Variants in ZNF423 observed in about 807,000 individuals in gnomAD.
The protein encoded by ZNF423 is Ebf-associated zinc finger protein.
ZNF423 carries 12 observed loss-of-function variants against 95.8 expected under a neutral mutation model. That is an observed-to-expected ratio of 0.13 (90% CI 0.08 to 0.20). The LOEUF (loss-of-function observed/expected upper bound fraction) is 0.20, where lower values mean the gene tolerates loss of function less well. Among genes scored for constraint, ZNF423 ranks in the 10% least tolerant of loss-of-function variants. ZNF423 has a pLI of 1.00. For synonymous variants in ZNF423, 749 were observed against 711.9 expected, an observed-to-expected ratio of 1.05 and a Z score of -0.83; for missense variants, 1,316 against 1,737.1, an observed-to-expected ratio of 0.76 and a Z score of 4.31.
chr16:49,525,093 G>A (rs959442233), intron 6 of ZNF423, among the ~76,000 whole-genome samples: 4 of 152,226 alleles, frequency 2.6e-5, no homozygotes, highest in Non-Finnish European at 4.4e-5. Flanking sequence ...AGGGCTTCTA[G>A]CTCCTGTGTG....
intron 7 of ZNF423, among the ~76,000 whole-genome samples, chr16:49,496,481 A>G (rs1197392696): frequency 6.6e-6 from 1 of 152,090 alleles, no homozygotes; most frequent in African/African-American, 2.4e-5. Flanking sequence ...TCCCCATGTG[A>G]CGGACTAGCT....
At chr16:49,826,070 G>A (rs1205900582) in intron 1 of ZNF423, among the ~76,000 whole-genome samples, 1 of 152,184 alleles carries the variant, frequency 6.6e-6, no homozygotes, top group Non-Finnish European at 1.5e-5. Context: ...AAATTAGCCA[G>A]GTGTGGTGGC....
At chr16:49,728,482 C>A (rs77988280) in intron 3 of ZNF423, among the ~76,000 whole-genome samples, 3,099 of 152,244 alleles carry the variant, frequency 0.02, 49 homozygotes, top group Non-Finnish European at 0.035. Flanking sequence ...TGTTAGGAAG[C>A]GGGCAGGAGT....
intron 5 of ZNF423, among the ~76,000 whole-genome samples, chr16:49,562,477 G>T (rs1970050723): frequency 6.6e-6 from 1 of 152,196 alleles, no homozygotes; most frequent in African/African-American, 2.4e-5. Context: ...GCTGTTAACT[G>T]TTCTTGGGAG....
At chr16:49,494,901 A>G (rs921495297) in intron 7 of ZNF423, among the ~76,000 whole-genome samples, 7 of 152,250 alleles carry the variant, frequency 4.6e-5, no homozygotes, top group African/African-American at 1.7e-4. Flanking sequence ...TCCATCCAGC[A>G]TAGTTCTCAC....
intron 3 of ZNF423, among the ~76,000 whole-genome samples, chr16:49,728,010 A>G (rs1505112): frequency 0.38 from 58,515 of 152,006 alleles, 11,549 homozygotes; most frequent in African/African-American, 0.47. Context: ...CCCAGGTATA[A>G]AACAGACTTT....
intron 1 of ZNF423, among the ~76,000 whole-genome samples, chr16:49,825,921 A>T (rs1392094893): frequency 1.3e-5 from 2 of 152,232 alleles, no homozygotes; most frequent in Non-Finnish European, 2.9e-5. Context: ...TGCTTATTGA[A>T]AAGGGCTGGC....
chr16:49,717,161 C>T (rs370892195), intron 3 of ZNF423, among the ~76,000 whole-genome samples: 2 of 152,146 alleles, frequency 1.3e-5, no homozygotes, highest in South Asian at 2.1e-4. Context: ...CCTGGTCTGG[C>T]CCTTGGAGTA....
At chr16:49,856,206 T>A (rs1187136016), upstream of ZNF423, 1 of 62,490 alleles carries the variant, frequency 1.6e-5, no homozygotes, top group African/African-American at 6.2e-5. Context: ...CCTCCTTCCC[T>A]CCCCCACCCT....
chr16:49,493,780 G>A (rs1171936121), intron 7 of ZNF423, among the ~76,000 whole-genome samples: 1 of 152,218 alleles, frequency 6.6e-6, no homozygotes, highest in Non-Finnish European at 1.5e-5. Flanking sequence ...GGCATTCCAA[G>A]AGGAAAGAAT....
chr16:49,551,344 T>C (rs1482681025), intron 5 of ZNF423, among the ~76,000 whole-genome samples: 1 of 152,216 alleles, frequency 6.6e-6, no homozygotes, highest in Non-Finnish European at 1.5e-5. Flanking sequence ...TGCAAGGAAT[T>C]GGTTCCTATC....
At chr16:49,592,950 G>A (rs1160363933) in intron 5 of ZNF423, among the ~76,000 whole-genome samples, 2 of 152,210 alleles carry the variant, frequency 1.3e-5, no homozygotes, top group Non-Finnish European at 2.9e-5. Flanking sequence ...CAGCTTTCGT[G>A]CGGTTGTGGG....
chr16:49,854,301 A>G lies in ZNF423; in HGVS notation c.40+1434T>C, dbSNP rs2035332917. 9.1e-6 allele frequency: 9 copies of G among 985,234 alleles called. No individual in the cohort carries two copies. In the South Asian group the frequency reaches 3.3e-4, roughly 36 times the overall value. 61.0% of individuals were successfully genotyped at this position (985,234 alleles called of 1,614,324 possible). ...TGGACTCAGTTGGTCTCCTTCTAATATGACGGGGAGGATCTCTGCTGGGCC... is the reference window on the plus strand; with the variant it reads ...TGGACTCAGTTGGTCTCCTTCTAATGTGACGGGGAGGATCTCTGCTGGGCC... On this transcript the variant is annotated intron_variant, in intron 1 of 7. Coordinates refer to ENST00000563137, the MANE Select transcript of ZNF423 (RefSeq NM_001379286.1).
intron 1 of ZNF423, among the ~76,000 whole-genome samples, chr16:49,793,222 G>A (rs1281595368): frequency 6.6e-6 from 1 of 152,100 alleles, no homozygotes; most frequent in African/African-American, 2.4e-5. Context: ...ACTAAGCAGG[G>A]GCAGCAGGCA....
At chr16:49,538,944 A>G (rs1385130453) in intron 5 of ZNF423, among the ~76,000 whole-genome samples, 4 of 152,242 alleles carry the variant, frequency 2.6e-5, no homozygotes, top group Non-Finnish European at 5.9e-5. Flanking sequence ...CTGAGGATGA[A>G]AAAGCAATTC....
intron 7 of ZNF423, among the ~76,000 whole-genome samples, chr16:49,508,706 G>C (rs1188245523): frequency 6.6e-6 from 1 of 151,946 alleles, no homozygotes; most frequent in African/African-American, 2.4e-5. Flanking sequence ...GATTGTTCTG[G>C]ATGCTCCTGA....
intron 5 of ZNF423, among the ~76,000 whole-genome samples, chr16:49,591,178 A>C (rs1489603685): frequency 6.6e-6 from 1 of 152,234 alleles, no homozygotes; most frequent in Non-Finnish European, 1.5e-5. Flanking sequence ...AACTAAACAC[A>C]AGTGTGCAAA....
At chr16:49,716,228 C>T (rs1441981788) in intron 3 of ZNF423, among the ~76,000 whole-genome samples, 4 of 152,126 alleles carry the variant, frequency 2.6e-5, no homozygotes, top group African/African-American at 7.2e-5. Flanking sequence ...ACCTTCCTTC[C>T]ACCTACCTCC....
chr16:49,552,679 G>C (rs146999104), intron 5 of ZNF423, among the ~76,000 whole-genome samples: 16 of 152,142 alleles, frequency 1.1e-4, no homozygotes, highest in Admixed American at 1.0e-3. Flanking sequence ...ACACACTTTC[G>C]GTTTCCAGCT....
Sources: allele counts gnomAD v4.1 joint callset (sites outside exome capture counted in the v4.1 genomes callset), GRCh38; gene constraint gnomAD v4.1.1; transcripts MANE v1.5; gene names NCBI Gene and HGNC (gene_info 2026-07-23, HGNC 2026-07-21).